TTC34: variants seen among roughly 807,000 people sequenced by gnomAD.
TTC34 encodes the protein tetratricopeptide repeat protein 34.
A neutral mutation model predicts 40.7 loss-of-function variants in TTC34; 44 were observed. That is an observed-to-expected ratio of 1.08 (90% confidence interval 0.85 to 1.39). TTC34 has a LOEUF of 1.39. Ranked by LOEUF, TTC34 falls within the 40% of genes most tolerant of loss-of-function variation. The pLI is 0.00. For missense variants in TTC34, 884 were observed against 838.0 expected, an observed-to-expected ratio of 1.05 and a Z score of -0.68; for synonymous variants, 422 against 398.6, an observed-to-expected ratio of 1.06 and a Z score of -0.70.
In TTC34 at chr1:2,652,988, C is replaced by T. The variant is rs1274956165; in HGVS notation, c.2227-7425G>A. 3.3e-5 allele frequency among the ~76,000 whole-genome samples: 5 copies of T among 152,164 alleles called. No individual in the cohort carries two copies. The East Asian group carries it at 5.8e-4, about 18-fold the overall frequency. On this transcript the variant is annotated intron_variant, in intron 6 of 8. Transcript: ENST00000401095. Reference sequence around the variant, plus strand: ...ACACCCCCAGGTGAGCATGTGACAGCGTGGAGCAGCACCCACAGCCCAAGG... The same window carrying T: ...ACACCCCCAGGTGAGCATGTGACAGTGTGGAGCAGCACCCACAGCCCAAGG...
intron 6 of TTC34, among the ~76,000 whole-genome samples, chr1:2,771,467 T>C (rs1642121347): frequency 1.2e-5 from 1 of 82,398 alleles, no homozygotes; most frequent in African/African-American, 8.3e-5. Context: ...TCTGACAGTC[T>C]GGAACAGCAT....
chr1:2,794,158 A>G (rs938164715), intron 2 of TTC34, among the ~76,000 whole-genome samples: 4 of 151,984 alleles, frequency 2.6e-5, no homozygotes, highest in African/African-American at 9.7e-5. Context: ...ACGTGCCTGG[A>G]TAAGTTTTTT....
intron 6 of TTC34, among the ~76,000 whole-genome samples, chr1:2,650,532 A>C (rs760352837): frequency 7.3e-5 from 11 of 151,088 alleles, no homozygotes; most frequent in Non-Finnish European, 1.3e-4. Flanking sequence ...AGCCGAAAAC[A>C]GCACCCTCCA....
intron 6 of TTC34, among the ~76,000 whole-genome samples, chr1:2,683,666 C>A (rs1332812298): frequency 8.3e-5 from 11 of 133,128 alleles, no homozygotes; most frequent in Non-Finnish European, 1.3e-4. Flanking sequence ...TGGAGCAGCA[C>A]GCTGCACCCC....
chr1:2,694,106 C>T (rs1569610498), intron 6 of TTC34, among the ~76,000 whole-genome samples: 4 of 139,022 alleles, frequency 2.9e-5, no homozygotes, highest in East Asian at 2.2e-4. Context: ...CAGCACCCTG[C>T]ACCCCCAGGT....
Position 2,691,228 on chromosome 1 carries a change from G to A in TTC34, c.2227-45665C>T, listed in dbSNP as rs543067014. On this transcript the variant is annotated intron_variant, in intron 6 of 8. Transcript: ENST00000401095. ...CCTGGAACAGCACCCACACGCCCAG[G>A]TGAGCATCTGACAGCCTGCAACAGC... Among the ~76,000 whole-genome samples, 3 of 86,282 alleles carry A rather than the reference G, an allele frequency of 3.5e-5. 1 individual carries two copies. Among genetic ancestry groups the A allele is most frequent in the African/African-American group, 1.1e-4 (3 of 26,508 alleles). The allele number at this position is 86,282 out of a possible 152,430, so 56.6% of individuals were successfully genotyped here. A position where few individuals can be genotyped will look rare whatever the true frequency, so the allele number is the denominator to read the frequency against.
Position 2,791,909 on chromosome 1 carries a change from G to T in TTC34, c.785-1563C>A, listed in dbSNP as rs115829233. Among the ~76,000 whole-genome samples the T allele has an allele frequency of 4.3e-3, 639 of 148,334 alleles. 3 individuals are homozygous for T. The highest frequency in any genetic ancestry group is 0.015 in the African/African-American group (610 of 40,392). On this transcript the variant is annotated intron_variant, in intron 2 of 8. Transcript: ENST00000401095. ...ATTTTTCTTCTGTTCTTCGTATCGA[G>T]TAATTTCTATTCTGTCTTCAAGTTC...
chr1:2,657,701 CAACAGGCGAGCATCTGACAG>C (rs1639401160), intron 6 of TTC34, among the ~76,000 whole-genome samples: 1 of 71,428 alleles, frequency 1.4e-5, no homozygotes, highest in Non-Finnish European at 3.5e-5. Context: ...GAACCCACAC[CAACAGGCGAGCATCTGACAG>C]CCTGGGTCGG....
intron 6 of TTC34, among the ~76,000 whole-genome samples, chr1:2,695,992 A>T (rs1489658722): frequency 8.0e-6 from 1 of 125,110 alleles, no homozygotes; most frequent in South Asian, 2.6e-4. Flanking sequence ...AACAGAACCC[A>T]CACCCCCAGG....
At chr1:2,649,130 A>G (rs1639076699) in intron 6 of TTC34, among the ~76,000 whole-genome samples, 1 of 151,906 alleles carries the variant, frequency 6.6e-6, no homozygotes, top group Non-Finnish European at 1.5e-5. Context: ...CCACACCCCC[A>G]GGTGAGTGTC....
At chr1:2,798,351 T>C (rs1167311466) in intron 2 of TTC34, among the ~76,000 whole-genome samples, 15 of 20,724 alleles carry the variant, frequency 7.2e-4, no homozygotes, top group Admixed American at 2.4e-3. Flanking sequence ...GCCCCTTAGC[T>C]CCCCAGCCCC....
At chr1:2,643,144 G>C (rs1442594974) in intron 8 of TTC34, among the ~76,000 whole-genome samples, 2 of 152,182 alleles carry the variant, frequency 1.3e-5, no homozygotes, top group South Asian at 4.1e-4. Flanking sequence ...CCCCAGTGGG[G>C]AAGGGCGCTC....
chr1:2,651,471 C>T (rs903517364), intron 6 of TTC34, among the ~76,000 whole-genome samples: 3 of 152,040 alleles, frequency 2.0e-5, no homozygotes, highest in Non-Finnish European at 4.4e-5. Context: ...AGGACGCCAC[C>T]CCACACACCC....
In TTC34 at chr1:2,800,674, G is replaced by A. The variant is rs1643762000; in HGVS notation, c.154C>T (p.Gln52Ter). The A allele has an allele frequency of 2.5e-6, 1 of 398,510 alleles. No individual in the cohort carries two copies. Among genetic ancestry groups the A allele is most frequent in the Non-Finnish European group, 4.4e-6 (1 of 225,978 alleles). 24.7% of individuals were successfully genotyped at this position (398,510 alleles called of 1,614,324 possible). A position where few individuals can be genotyped will look rare whatever the true frequency, so the allele number is the denominator to read the frequency against. ...GCCACCACCGCCGCCCCCCGAGCCT[G>A]GGCCAGGGCAGTGCGCACACTCTGC... The change falls in exon 2 of 9, where the codon CAG (glutamine) becomes TAG (stop). Residue 52 changes from glutamine (Q) to a stop codon, truncating the protein, a stop_gained. Transcript: ENST00000401095. LOFTEE classifies it high-confidence loss of function.
chr1:2,641,197 G>GC, exon 9 of TTC34: 1 of 585,758 alleles, frequency 1.7e-6, no homozygotes, highest in South Asian at 2.9e-5. Flanking sequence ...GGGAAGGGGG[G>GC]TTGTGGGGAG....
intron 6 of TTC34, among the ~76,000 whole-genome samples, chr1:2,687,588 C>A (rs1471271419): frequency 9.6e-4 from 137 of 143,160 alleles, no homozygotes; most frequent in African/African-American, 3.8e-3. Flanking sequence ...GATCTGACAG[C>A]CTGGAACAGC....
chr1:2,683,606 T>A (rs1640182210), intron 6 of TTC34, among the ~76,000 whole-genome samples: 1 of 140,078 alleles, frequency 7.1e-6, no homozygotes, highest in African/African-American at 2.9e-5. Context: ...CAGGCGAGCA[T>A]CTGACATCCT....
rs994171032 is a variant in TTC34 at position 2,796,753 on chromosome 1, A to G, written c.784+3291T>C. Among the ~76,000 whole-genome samples, 1 of 152,124 alleles carries G rather than the reference A, an allele frequency of 6.6e-6. No homozygotes were observed. The highest frequency in any genetic ancestry group is 1.5e-5 in the Non-Finnish European group (1 of 68,024). On this transcript the variant is annotated intron_variant, in intron 2 of 8. Coordinates refer to ENST00000401095, the Ensembl canonical transcript of TTC34. This position sits in a 1 kb window ranked among gnomAD's most constrained non-coding sequence, Gnocchi z 4.5. ...GGCACCCGGGGTCCCCTCCTTCCTC[A>G]GAAGCTCACGATTCGGTGTGACTTT...
At chr1:2,688,091 C>G (rs1000148761) in intron 6 of TTC34, among the ~76,000 whole-genome samples, 4 of 152,010 alleles carry the variant, frequency 2.6e-5, no homozygotes, top group African/African-American at 9.7e-5. Context: ...CCTGCACCCC[C>G]AGGTGCGCAC....
Sources: allele counts gnomAD v4.1 joint callset (sites outside exome capture counted in the v4.1 genomes callset), GRCh38; gene constraint gnomAD v4.1.1; non-coding constraint Gnocchi (gnomAD v3.1); transcripts MANE v1.5; gene names NCBI Gene and HGNC (gene_info 2026-07-23, HGNC 2026-07-21).